The following PTBP3 variants were observed in gnomAD, a reference collection of about 807,000 sequenced individuals.
PTBP3 encodes the protein polypyrimidine tract binding protein 3.
Under a neutral mutation model 58.7 loss-of-function variants are expected in PTBP3, and 20 were observed. The observed-to-expected ratio is 0.34, with a 90% confidence interval of 0.24 to 0.50. PTBP3 has a LOEUF of 0.50. Among genes scored for constraint, PTBP3 ranks in the 20% least tolerant of loss-of-function variants. The pLI is 0.98. For missense variants in PTBP3, 509 were observed against 637.2 expected (o/e 0.80, Z 2.17); for synonymous variants, 185 against 219.8 (o/e 0.84, Z 1.40).
Position 112,221,518 on chromosome 9 carries a change from G to A in PTBP3, c.*2333C>T. The A allele has an allele frequency of 1.0e-6, 1 of 985,624 alleles. No individual in the cohort carries two copies. Among genetic ancestry groups the A allele is most frequent in the Non-Finnish European group, 1.2e-6 (1 of 829,808 alleles). The allele number at this position is 985,624 out of a possible 1,614,324, so 61.1% of individuals were successfully genotyped here. A position where few individuals can be genotyped will look rare whatever the true frequency, so the allele number is the denominator to read the frequency against. ...AAATAATCCAATTTAACATGGCACT[G>A]AAAATTATAATAGTGCCTGTGTGGA... On this transcript the variant is annotated 3_prime_UTR_variant, in exon 14 of 14. Transcript: ENST00000374257.
intron 2 of PTBP3, among the ~76,000 whole-genome samples, chr9:112,296,772 C>T (rs538681583): frequency 7.2e-5 from 11 of 152,218 alleles, no homozygotes; most frequent in African/African-American, 2.6e-4. Context: ...TTCCTACATT[C>T]GAATAGAAAT....
intron 1 of PTBP3, among the ~76,000 whole-genome samples, chr9:112,311,022 G>T (rs1275857083): frequency 1.3e-5 from 2 of 152,198 alleles, no homozygotes; most frequent in Non-Finnish European, 2.9e-5. Flanking sequence ...CGAAATGAGG[G>T]AAAGAGAGTT....
chr9:112,366,517 C>T, the PTBP3 span, among the ~76,000 whole-genome samples: 1 of 152,128 alleles, frequency 6.6e-6, no homozygotes, highest in Non-Finnish European at 1.5e-5. Context: ...GAGCTTGGGC[C>T]ATGGCTTCCG....
At chr9:112,288,469 A>G (rs1285231797) in intron 2 of PTBP3, among the ~76,000 whole-genome samples, 1 of 152,078 alleles carries the variant, frequency 6.6e-6, no homozygotes, top group Non-Finnish European at 1.5e-5. Context: ...CCAAACTTCA[A>G]TCTGTTTCTT....
chr9:112,231,312 T>C, intron 10 of PTBP3, 68 bp downstream of exon 10: 2 of 1,315,508 alleles, frequency 1.5e-6, no homozygotes, highest in Admixed American at 4.6e-5. Context: ...CAATACATAT[T>C]ACTAAAAAAG....
chr9:112,312,804 G>A (rs1829545971), intron 1 of PTBP3, among the ~76,000 whole-genome samples: 1 of 152,086 alleles, frequency 6.6e-6, no homozygotes, highest in African/African-American at 2.4e-5. Context: ...AGAACTTTGG[G>A]AGGCCAAGGT....
At chr9:112,292,443 A>T (rs967392279) in intron 2 of PTBP3, among the ~76,000 whole-genome samples, 1 of 152,190 alleles carries the variant, frequency 6.6e-6, no homozygotes, top group African/African-American at 2.4e-5. Flanking sequence ...CCAAAGAATT[A>T]AAAACAGGAT....
chr9:112,318,423 T>C (rs994504624), intron 1 of PTBP3, among the ~76,000 whole-genome samples: 1 of 152,140 alleles, frequency 6.6e-6, no homozygotes, highest in South Asian at 2.1e-4. Flanking sequence ...ACCTGTACAC[T>C]GAAAACAACA....
chr9:112,254,752 C>A lies in PTBP3; in HGVS notation c.517-1964G>T, dbSNP rs188385177. 1.5e-3 allele frequency among the ~76,000 whole-genome samples: 235 copies of A among 152,208 alleles called. 1 individual carries two copies. Among genetic ancestry groups the A allele is most frequent in the African/African-American group, 5.5e-3 (229 of 41,524 alleles). ...TGGGGAGGATATGAAGAAAATGCAA[C>A]CCCTGTGCACTGTTGGTAGAAATGT... On this transcript the variant is annotated intron_variant, in intron 5 of 13. Transcript: ENST00000374257.
chr9:112,354,461 A>T, the PTBP3 span, among the ~76,000 whole-genome samples: 1 of 152,240 alleles, frequency 6.6e-6, no homozygotes, highest in Non-Finnish European at 1.5e-5. Context: ...TCTGTGAAGA[A>T]TATGTTATTT....
rs1564450815 is a variant in PTBP3 at position 112,306,599 on chromosome 9, TA to T, written c.-51-8684del. 3.4e-4 allele frequency among the ~76,000 whole-genome samples: 33 copies of T among 97,628 alleles called. No homozygotes were observed. The South Asian group carries it at 9.8e-3, about 29-fold the overall frequency. The allele number at this position is 97,628 out of a possible 152,430, so 64.0% of individuals were successfully genotyped here. ...TAATTTAAATTTGTATATATATATA[TA>T]TATATTTTTGTTTGTTTGTTTGTTT... On this transcript the variant is annotated intron_variant, in intron 1 of 13. Coordinates refer to ENST00000374257, the MANE Select transcript of PTBP3 (RefSeq NM_001163788.4).
At chr9:112,232,319 G>T in intron 8 of PTBP3, 81 bp from the exon 9 acceptor site, 1 of 1,333,380 alleles carries the variant, frequency 7.5e-7, no homozygotes. Context: ...TAAATAAAGA[G>T]GAAAGGAAAA....
intron 1 of PTBP3, among the ~76,000 whole-genome samples, chr9:112,332,005 T>C (rs1830395641): frequency 6.6e-6 from 1 of 152,164 alleles, no homozygotes; most frequent in African/African-American, 2.4e-5. Context: ...AACCAAAATA[T>C]TAGTGACACA....
intron 2 of PTBP3, among the ~76,000 whole-genome samples, chr9:112,286,837 CTT>C (rs939837832): frequency 6.6e-6 from 1 of 152,164 alleles, no homozygotes; most frequent in Admixed American, 6.5e-5. Flanking sequence ...GCTCTCAGCT[CTT>C]GTGTGCCTGA....
At chr9:112,303,423 A>G (rs1397890169) in intron 1 of PTBP3, among the ~76,000 whole-genome samples, 7 of 152,216 alleles carry the variant, frequency 4.6e-5, no homozygotes, top group Admixed American at 3.3e-4. Flanking sequence ...TCAAATATGT[A>G]CACAAAGTTA....
chr9:112,324,890 G>C (rs1242123690), intron 1 of PTBP3, among the ~76,000 whole-genome samples: 1 of 152,110 alleles, frequency 6.6e-6, no homozygotes, highest in East Asian at 1.9e-4. Context: ...CTAATATAAA[G>C]CTGATCAGAG....
In PTBP3 at chr9:112,224,149, CCTTCACTGAA is replaced by C. The variant is rs1490781599; in HGVS notation, c.1416_1425del (p.Cys472TrpfsTer63). The C allele has an allele frequency of 6.3e-7, 1 of 1,581,398 alleles. No individual in the cohort carries two copies. On this transcript the variant is annotated frameshift_variant, in exon 13 of 14. Transcript: ENST00000374257. LOFTEE classifies it high-confidence loss of function. ...AAGACTTACTGAAAGAATTTAAAAG[CCTTCACTGAA>C]CATCCAGCTTCTATGAAAAGGTTCT...
chr9:112,300,326 G>A (rs188364387), intron 1 of PTBP3, among the ~76,000 whole-genome samples: 38 of 152,308 alleles, frequency 2.5e-4, no homozygotes, highest in Admixed American at 1.2e-3. Context: ...ATTTGTACTC[G>A]TCAAACTGGA....
At position 112,234,882 on chromosome 9, in the gene PTBP3, A is replaced by G; in HGVS notation, c.818T>C (p.Ile273Thr). 2 of 1,612,656 alleles carry G rather than the reference A, an allele frequency of 1.2e-6. No individual in the cohort carries two copies. Among genetic ancestry groups the G allele is most frequent in the Non-Finnish European group, 1.7e-6 (2 of 1,178,956 alleles). Residue 273 changes from isoleucine to threonine, a missense_variant, in exon 8 of 14, where the codon ATT becomes ACT. This residue lies in a region of PTBP3 where 121 missense variants were observed against 114.8 expected (regional missense o/e 1.05). Coordinates refer to ENST00000374257, the MANE Select transcript of PTBP3 (RefSeq NM_001163788.4). Reference sequence around the variant, plus strand: ...AGCAGCCCCTGCATATGGTGAAGAAATTATACCCGGTGCACCTAATGGGAA... The same window carrying G: ...AGCAGCCCCTGCATATGGTGAAGAAGTTATACCCGGTGCACCTAATGGGAA... The part of the protein sequence containing the change: ...MAAAFGAPGI[I>T]SSPYAGAAGF...
Sources: gnomAD v4.1 joint callset for allele counts (sites outside exome capture counted in the v4.1 genomes callset) on GRCh38, gnomAD v4.1.1 for gene constraint, gnomAD v4.1.1 regional missense constraint, MANE v1.5 for transcripts, NCBI Gene and HGNC (gene_info 2026-07-23, HGNC 2026-07-21) for gene names.